The following SGCG variants were observed in gnomAD, a reference collection of about 807,000 sequenced individuals.
SGCG encodes the protein sarcoglycan gamma.
Under a neutral mutation model 29.3 loss-of-function variants are expected in SGCG, and 26 were observed. That is an observed-to-expected ratio of 0.89 (90% CI 0.65 to 1.23). The LOEUF (loss-of-function observed/expected upper bound fraction) is 1.23, where lower values mean the gene tolerates loss of function less well. Ranked by LOEUF, SGCG falls within the 50% of genes most tolerant of loss-of-function variation. The pLI is 0.00. For missense variants in SGCG, 353 were observed against 356.0 expected (o/e 0.99, Z 0.07); for synonymous variants, 145 against 129.7 (o/e 1.12, Z -0.80).
intron 4 of SGCG, among the ~76,000 whole-genome samples, chr13:23,273,419 A>T (rs1377414501): frequency 1.3e-5 from 2 of 152,142 alleles, no homozygotes; most frequent in African/African-American, 4.8e-5. Flanking sequence ...TCCTGACCTC[A>T]GGTGATCTGC....
chr13:23,203,945 A>T, intron 2 of SGCG, 56 bp downstream of exon 2: 1 of 1,239,122 alleles, frequency 8.1e-7, no homozygotes, highest in South Asian at 1.2e-5. Flanking sequence ...TGTATCACTT[A>T]GTCTGTATTG....
intron 2 of SGCG, among the ~76,000 whole-genome samples, chr13:23,210,935 G>C (rs1053009868): frequency 2.7e-5 from 4 of 150,262 alleles, no homozygotes; most frequent in African/African-American, 4.9e-5. Flanking sequence ...TCCGAAAAAA[G>C]TCCTTTTGGG....
At chr13:23,275,208 G>A (rs1212354668) in intron 4 of SGCG, among the ~76,000 whole-genome samples, 1 of 150,582 alleles carries the variant, frequency 6.6e-6, no homozygotes, top group Non-Finnish European at 1.5e-5. Context: ...CCAGATGGCA[G>A]AAGATTGGTT....
intron 4 of SGCG, among the ~76,000 whole-genome samples, chr13:23,262,045 A>G (rs9550943): frequency 0.28 from 42,046 of 151,866 alleles, 6,094 homozygotes; most frequent in South Asian, 0.37. Context: ...ACACACCAGA[A>G]TAGAAACTCC....
In SGCG at chr13:23,234,659, G is replaced by A; in HGVS notation, c.244G>A (p.Gly82Arg). 1 of 1,613,144 alleles carries A rather than the reference G, an allele frequency of 6.2e-7. No homozygotes were observed. The highest frequency in any genetic ancestry group is 8.5e-7 in the Non-Finnish European group (1 of 1,179,332). ...CVTKDGLRLE[G>R]ESEFLFPLYA... Reference sequence around the variant, plus strand: ...AACAAAAGATGGACTGCGCTTGGAAGGGGAATCAGAATTTTTATTCCCATT... The same window carrying A: ...AACAAAAGATGGACTGCGCTTGGAAAGGGAATCAGAATTTTTATTCCCATT... Residue 82 changes from glycine (G) to arginine (R), a missense_variant, in exon 3 of 8, where the codon GGG becomes AGG. Coordinates refer to ENST00000218867, the MANE Select transcript of SGCG (RefSeq NM_000231.3).
At chr13:23,287,511 AC>A (rs1881537747) in intron 5 of SGCG, among the ~76,000 whole-genome samples, 1 of 152,138 alleles carries the variant, frequency 6.6e-6, no homozygotes, top group African/African-American at 2.4e-5. Flanking sequence ...TGAGCACAGA[AC>A]CTGGTCAGAC....
At chr13:23,208,216 A>T (rs1878053475) in intron 2 of SGCG, among the ~76,000 whole-genome samples, 1 of 152,168 alleles carries the variant, frequency 6.6e-6, no homozygotes, top group Non-Finnish European at 1.5e-5. Flanking sequence ...GTTAGTCAGA[A>T]TATAGGGAAA....
intron 4 of SGCG, among the ~76,000 whole-genome samples, chr13:23,276,431 CTTTTTTTT>C (rs71100165): frequency 2.0e-5 from 2 of 102,338 alleles, no homozygotes; most frequent in African/African-American, 3.5e-5. Flanking sequence ...TTTTAGTTTT[CTTTTTTTT>C]TTTTTTTTTT....
At chr13:23,284,626 C>A (rs1012170506) in intron 5 of SGCG, among the ~76,000 whole-genome samples, 1 of 152,194 alleles carries the variant, frequency 6.6e-6, no homozygotes, top group Non-Finnish European at 1.5e-5. Context: ...CAAACTCATT[C>A]TCTGTCCAGT....
chr13:23,251,437 A>G (rs1489911753), intron 4 of SGCG, among the ~76,000 whole-genome samples: 2 of 152,192 alleles, frequency 1.3e-5, no homozygotes, highest in Non-Finnish European at 2.9e-5. Flanking sequence ...GAAAAATGTC[A>G]GCAAGAAGAA....
At chr13:23,195,287 A>G (rs374501350) in intron 1 of SGCG, among the ~76,000 whole-genome samples, 16 of 152,308 alleles carry the variant, frequency 1.1e-4, no homozygotes, top group African/African-American at 3.4e-4. Flanking sequence ...GAGAGCATCT[A>G]ATAAAAACCA....
intron 5 of SGCG, among the ~76,000 whole-genome samples, chr13:23,290,217 G>A (rs549180417): frequency 6.6e-6 from 1 of 152,314 alleles, no homozygotes; most frequent in Non-Finnish European, 1.5e-5. Context: ...GTAAATTGAA[G>A]ATAATCTGGG....
the SGCG span, among the ~76,000 whole-genome samples, chr13:23,170,334 T>C: frequency 1.3e-5 from 2 of 152,186 alleles, no homozygotes; most frequent in African/African-American, 2.4e-5. Flanking sequence ...AAATGGACTT[T>C]GTGATCATTA....
At chr13:23,274,856 A>G (rs1881009819) in intron 4 of SGCG, among the ~76,000 whole-genome samples, 3 of 152,050 alleles carry the variant, frequency 2.0e-5, no homozygotes, top group Admixed American at 2.0e-4. Context: ...TAATGCTATG[A>G]AATTTTAAAA....
chr13:23,279,344 G>C lies in SGCG; in HGVS notation c.386-15G>C. The C allele has an allele frequency of 6.2e-7, 1 of 1,609,764 alleles. No homozygotes were observed. Among genetic ancestry groups the C allele is most frequent in the Non-Finnish European group, 8.5e-7 (1 of 1,177,370 alleles). Reference sequence around the variant, plus strand: ...TGTAGTGAACAGTTTATAATAAACTGTTTTAATTCTTCAGGTCCCAAAATG... The same window carrying C: ...TGTAGTGAACAGTTTATAATAAACTCTTTTAATTCTTCAGGTCCCAAAATG... On this transcript the variant is annotated splice_polypyrimidine_tract_variant and intron_variant, in intron 4 of 7. Coordinates refer to ENST00000218867, the MANE Select transcript of SGCG (RefSeq NM_000231.3).
chr13:23,282,246 G>T lies in SGCG; in HGVS notation c.505+2768G>T, dbSNP rs115982877. The stretch of plus-strand genomic sequence containing the variant: ...ACCAAGAGATTCCACGGTTTTGATG[G>T]TTCGCTTCTTGTTTTGTCTCTATCC... On this transcript the variant is annotated intron_variant, in intron 5 of 7. Transcript: ENST00000218867. Among the ~76,000 whole-genome samples the T allele has an allele frequency of 7.9e-3, 1,204 of 152,242 alleles. 19 individuals carry two copies. The highest frequency in any genetic ancestry group is 0.027 in the African/African-American group (1,114 of 41,538).
chr13:23,259,026 C>T (rs1327448463), intron 4 of SGCG, among the ~76,000 whole-genome samples: 11 of 152,066 alleles, frequency 7.2e-5, no homozygotes, highest in African/African-American at 2.4e-4. Flanking sequence ...GTGTCTCTGC[C>T]AGGCTTTGGT....
chr13:23,249,403 C>T, intron 3 of SGCG, among the ~76,000 whole-genome samples: 1 of 152,160 alleles, frequency 6.6e-6, no homozygotes, highest in Non-Finnish European at 1.5e-5. Context: ...TTTAGAAAGG[C>T]AGCTATTTCT....
chr13:23,255,737 T>A lies in SGCG; in HGVS notation c.385+5020T>A, dbSNP rs188972526. 6.5e-3 allele frequency among the ~76,000 whole-genome samples: 996 copies of A among 152,238 alleles called. 6 individuals are homozygous for A. The highest frequency in any genetic ancestry group is 0.023 in the African/African-American group (953 of 41,534). Reference sequence around the variant, plus strand: ...AGAGTCGGGGTTTTAAGGGTTTTTTTCCAAGATGGAAGATTAGAGGCATTA... The same window carrying A: ...AGAGTCGGGGTTTTAAGGGTTTTTTACCAAGATGGAAGATTAGAGGCATTA... On this transcript the variant is annotated intron_variant, in intron 4 of 7. Coordinates refer to ENST00000218867, the MANE Select transcript of SGCG (RefSeq NM_000231.3).
Sources: allele counts gnomAD v4.1 joint callset (sites outside exome capture counted in the v4.1 genomes callset), GRCh38; gene constraint gnomAD v4.1.1; transcripts MANE v1.5; gene names NCBI Gene and HGNC (gene_info 2026-07-23, HGNC 2026-07-21).